Variants in CAPRIN2 observed in about 807,000 individuals in gnomAD.
CAPRIN2 encodes the protein caprin-2.
A neutral mutation model predicts 130.4 loss-of-function variants in CAPRIN2; 66 were observed. The ratio of observed to expected loss-of-function variants is 0.51; its 90% CI spans 0.42 to 0.62. The LOEUF (loss-of-function observed/expected upper bound fraction) is 0.62. Among genes scored for constraint, CAPRIN2 ranks in the 20% least tolerant of loss-of-function variants. CAPRIN2 has a pLI of 0.00. For missense variants in CAPRIN2, 1,185 were observed against 1,246.6 expected, an observed-to-expected ratio of 0.95 and a Z score of 0.74; for synonymous variants, 471 against 444.1, an observed-to-expected ratio of 1.06 and a Z score of -0.76.
chr12:30,724,526 T>C (rs2060329344), intron 9 of CAPRIN2, 75 bp from the exon 11 acceptor site: 2 of 958,308 alleles, frequency 2.1e-6, no homozygotes, highest in Non-Finnish European at 3.4e-6. Context: ...GAATTATTCA[T>C]GATGCTGCCT....
chr12:30,733,556 C>CTCAATATCATACTAAACTGTGTTAGTCCA, intron 5 of CAPRIN2, 73 bp downstream of exon 6: 1 of 980,766 alleles, frequency 1.0e-6, no homozygotes, highest in Non-Finnish European at 1.6e-6. Context: ...AGTTTAGACC[C>CTCAATATCATACTAAACTGTGTTAGTCCA]TCAATATCAT....
chr12:30,741,751 T>C (rs956538786), intron 2 of CAPRIN2, among the ~76,000 whole-genome samples: 24 of 152,010 alleles, frequency 1.6e-4, no homozygotes, highest in African/African-American at 5.1e-4. Flanking sequence ...ACTGGATAAA[T>C]ACATATTATA....
intron 6 of CAPRIN2, among the ~76,000 whole-genome samples, chr12:30,730,487 C>T (rs1314649850): frequency 6.6e-6 from 1 of 152,152 alleles, no homozygotes; most frequent in African/African-American, 2.4e-5. Flanking sequence ...ACTAGTAGCT[C>T]TCCTTATGTA....
At chr12:30,740,991 TTCAG>T (rs762813705) in intron 3 of CAPRIN2, 25 bp downstream of exon 4, 3 of 1,442,180 alleles carry the variant, frequency 2.1e-6, no homozygotes, top group Non-Finnish European at 2.9e-6. Context: ...TAAAACTGGT[TTCAG>T]GAAAAGCAAA....
At chr12:30,720,543 T>C (rs2059094975) in intron 12 of CAPRIN2, 1 of 253,378 alleles carries the variant, frequency 3.9e-6, no homozygotes, top group African/African-American at 2.2e-5. Flanking sequence ...AAAACTTGAC[T>C]TAATGCTACC....
exon 8 of CAPRIN2, chr12:30,729,254 T>G: frequency 2.9e-5 from 47 of 1,610,946 alleles, no homozygotes; most frequent in Non-Finnish European, 4.0e-5. Flanking sequence ...TAGCATAATC[T>G]GCTTCCCAAG....
At chr12:30,747,804 T>A (rs1209489459) in intron 2 of CAPRIN2, among the ~76,000 whole-genome samples, 1 of 152,166 alleles carries the variant, frequency 6.6e-6, no homozygotes, top group African/African-American at 2.4e-5. Context: ...ATTCTAGATG[T>A]CATTAAGAAC....
chr12:30,711,863 C>A (rs1234169259), intron 15 of CAPRIN2: 6 of 653,334 alleles, frequency 9.2e-6, no homozygotes, highest in East Asian at 3.0e-5. Context: ...TCTGTTAATA[C>A]CTGAAAAACA....
chr12:30,745,950 G>T (rs1374344940), intron 2 of CAPRIN2, among the ~76,000 whole-genome samples: 1 of 152,128 alleles, frequency 6.6e-6, no homozygotes, highest in African/African-American at 2.4e-5. Context: ...GATTTTCAAT[G>T]AAGTTTTTAA....
chr12:30,730,193 A>G (rs778404562), intron 7 of CAPRIN2, 46 bp downstream of exon 8: 18 of 1,516,028 alleles, frequency 1.2e-5, no homozygotes, highest in Non-Finnish European at 2.7e-6. Context: ...ACCCTATGCA[A>G]AAGGCTGAAA....
At chr12:30,748,892 C>G (rs2072166823) in intron 2 of CAPRIN2, among the ~76,000 whole-genome samples, 1 of 152,130 alleles carries the variant, frequency 6.6e-6, no homozygotes, top group South Asian at 2.1e-4. Flanking sequence ...CAGACAAAAT[C>G]CTTACTTTCA....
At chr12:30,746,191 G>C (rs2070231411) in intron 2 of CAPRIN2, among the ~76,000 whole-genome samples, 1 of 152,190 alleles carries the variant, frequency 6.6e-6, no homozygotes, top group East Asian at 1.9e-4. Flanking sequence ...TTAGGGCAGT[G>C]AAAGTATTCT....
At chr12:30,737,769 T>C (rs1374883727) in intron 3 of CAPRIN2, among the ~76,000 whole-genome samples, 1 of 152,020 alleles carries the variant, frequency 6.6e-6, no homozygotes, top group African/African-American at 2.4e-5. Flanking sequence ...GGCTAATTTT[T>C]TGTATTTTTA....
intron 9 of CAPRIN2, 41 bp downstream of exon 10, chr12:30,725,925 G>C (rs7304879): frequency 0.6 from 854,704 of 1,435,820 alleles, 259,999 homozygotes; most frequent in African/African-American, 0.84. Context: ...CCAGTCAGAA[G>C]CCCCATGAAT....
chr12:30,720,670 G>T, intron 12 of CAPRIN2, 141 bp downstream of exon 13: 1 of 567,828 alleles, frequency 1.8e-6, no homozygotes, highest in African/African-American at 1.9e-5. Context: ...AAAGTTCCAA[G>T]ATCACAATAT....
chr12:30,741,267 T>C (rs981935034), intron 2 of CAPRIN2, among the ~76,000 whole-genome samples, 161 bp from the exon 4 acceptor site: 4 of 152,154 alleles, frequency 2.6e-5, no homozygotes, highest in African/African-American at 9.6e-5. Context: ...AGAAAGAGTA[T>C]TAATACCAGT....
intron 2 of CAPRIN2, among the ~76,000 whole-genome samples, chr12:30,749,549 G>A (rs953060060): frequency 6.6e-6 from 1 of 152,194 alleles, no homozygotes; most frequent in Admixed American, 6.5e-5. Flanking sequence ...ATCTTAAAGG[G>A]AGAAGTGAGC....
chr12:30,728,881 G>A (rs777087091), exon 8 of CAPRIN2: 1 of 1,614,120 alleles, frequency 6.2e-7, no homozygotes, highest in Non-Finnish European at 8.5e-7. Context: ...TGCATGGAAG[G>A]TGTCCAAGAC....
At chr12:30,721,557 A>G (rs1215286737) in intron 11 of CAPRIN2, among the ~76,000 whole-genome samples, 1 of 152,242 alleles carries the variant, frequency 6.6e-6, no homozygotes, top group Non-Finnish European at 1.5e-5. Context: ...CAGAAAATTA[A>G]AAGAGTGGCT....
Sources: allele counts gnomAD v4.1 joint callset (sites outside exome capture counted in the v4.1 genomes callset), GRCh38; gene constraint gnomAD v4.1.1; transcripts MANE v1.5; gene names NCBI Gene and HGNC (gene_info 2026-07-23, HGNC 2026-07-21).